The following HOXC4 variants were observed in gnomAD, a reference collection of about 807,000 sequenced individuals.
HOXC4 encodes homeobox protein Hox-C4.
A neutral mutation model predicts 25.5 loss-of-function variants in HOXC4; 15 were observed. The observed-to-expected ratio is 0.59, with a 90% CI of 0.39 to 0.91. The LOEUF is 0.91. Ranked by LOEUF, HOXC4 falls within the 40% of genes least tolerant of loss-of-function variation. The pLI is 0.00. For missense variants in HOXC4, 342 were observed against 352.4 expected, an observed-to-expected ratio of 0.97 and a Z score of 0.24; for synonymous variants, 165 against 148.0, an observed-to-expected ratio of 1.11 and a Z score of -0.83.
intron 1 of HOXC4, among the ~76,000 whole-genome samples, chr12:54,042,676 C>T (rs963495991): frequency 8.5e-5 from 13 of 152,112 alleles, no homozygotes; most frequent in African/African-American, 2.9e-4. Context: ...GGACTAGGGC[C>T]CCTGAAGCCC....
chr12:54,034,523 C>A, intron 1 of HOXC4: 1 of 1,573,936 alleles, frequency 6.4e-7, no homozygotes, highest in Non-Finnish European at 8.7e-7. Context: ...AGAGCGCGCC[C>A]CTAGCCGGTT....
chr12:54,039,366 C>T (rs1439999289), intron 1 of HOXC4, among the ~76,000 whole-genome samples: 1 of 152,058 alleles, frequency 6.6e-6, no homozygotes, highest in East Asian at 1.9e-4. Context: ...GAAGGGGGCA[C>T]AGAGGCCCAA....
intron 1 of HOXC4, chr12:54,029,853 C>G (rs747214600): frequency 1.2e-6 from 2 of 1,614,016 alleles, no homozygotes; most frequent in South Asian, 2.2e-5. Context: ...AAAAAAGAAT[C>G]TAATCTCACA....
At chr12:54,026,938 C>CG (rs1009913551) in intron 1 of HOXC4, among the ~76,000 whole-genome samples, 84 of 140,154 alleles carry the variant, frequency 6.0e-4, no homozygotes, top group Non-Finnish European at 1.1e-3. Context: ...GCCAGCTTTC[C>CG]CCCCCCCCAA....
exon 1 of HOXC4, chr12:54,017,025 G>A (rs1940185785): frequency 6.6e-6 from 1 of 151,522 alleles, no homozygotes; most frequent in African/African-American, 2.4e-5. Context: ...TTCCTCCCAG[G>A]TGGAGTTGCC....
chr12:54,030,045 CA>C, intron 1 of HOXC4: 1 of 1,283,550 alleles, frequency 7.8e-7, no homozygotes, highest in Non-Finnish European at 1.1e-6. Context: ...CTGTATTTAT[CA>C]CTGGCACAAT....
chr12:54,033,044 A>T, intron 1 of HOXC4: 1 of 1,234,164 alleles, frequency 8.1e-7, no homozygotes, highest in Admixed American at 2.1e-5. Flanking sequence ...TTGGAGAACA[A>T]AAAACCCCTC....
chr12:54,054,478 G>C, intron 1 of HOXC4, 117 bp downstream of exon 1: 23 of 660,024 alleles, frequency 3.5e-5, no homozygotes, highest in Non-Finnish European at 1.8e-5. Context: ...CTCTCTCCAG[G>C]AGCGACTCTG....
chr12:54,025,532 G>T (rs994457821), intron 1 of HOXC4, among the ~76,000 whole-genome samples: 1 of 46,944 alleles, frequency 2.1e-5, no homozygotes, highest in Non-Finnish European at 5.5e-5. Context: ...GTAATTGGGG[G>T]GGGGGGAGGT....
chr12:54,028,938 C>T (rs772945356), intron 1 of HOXC4: 14 of 1,588,332 alleles, frequency 8.8e-6, no homozygotes, highest in Admixed American at 3.5e-5. Context: ...TTTACAGCTC[C>T]GAGATATAAA....
intron 1 of HOXC4, among the ~76,000 whole-genome samples, chr12:54,035,592 C>A (rs1361456655): frequency 6.6e-6 from 1 of 152,192 alleles, no homozygotes; most frequent in African/African-American, 2.4e-5. Flanking sequence ...CTGGCTTTTC[C>A]CATGCTGTGG....
At chr12:54,040,454 C>T (rs1400121551) in intron 1 of HOXC4, among the ~76,000 whole-genome samples, 1 of 152,152 alleles carries the variant, frequency 6.6e-6, no homozygotes, top group Non-Finnish European at 1.5e-5. Flanking sequence ...GGAGTGATAC[C>T]CAGCATATTC....
intron 1 of HOXC4, chr12:54,030,926 C>A (rs1940962173): frequency 6.6e-6 from 1 of 152,342 alleles, no homozygotes; most frequent in Non-Finnish European, 1.5e-5. Context: ...AGCCCCCAGC[C>A]CTCTGCACTC....
At position 54,055,094 on chromosome 12, in the gene HOXC4, C is replaced by T. The variant is rs551263879; in HGVS notation, c.684C>T (p.Ala228=). Residue 228 remains alanine, a synonymous_variant, in exon 2 of 2, where the codon GCC becomes GCT. Transcript: ENST00000430889. ...PNTKVRSAPP[A]GAAPSTLSAA... is the part of the protein sequence containing the mutation. ...CCAAAGTCAGGTCAGCACCCCCGGC[C>T]GGCGCTGCGCCCAGCACCCTTTCGG... 6.2e-6 allele frequency: 10 copies of T among 1,613,344 alleles called. No homozygotes were observed. The African/African-American group carries it at 1.1e-4, about 17-fold the overall frequency.
intron 1 of HOXC4, among the ~76,000 whole-genome samples, chr12:54,029,406 C>T (rs1940886389): frequency 1.2e-5 from 1 of 83,408 alleles, no homozygotes; most frequent in Non-Finnish European, 2.3e-5. Flanking sequence ...TTGCCCCGCC[C>T]CCCCGCCCCC....
intron 1 of HOXC4, among the ~76,000 whole-genome samples, chr12:54,046,603 G>A (rs1040290181): frequency 8.5e-5 from 13 of 152,088 alleles, no homozygotes; most frequent in African/African-American, 2.7e-4. Context: ...ATCAAAGAAT[G>A]AACACAACGT....
At chr12:54,033,418 A>G in intron 1 of HOXC4, 1 of 1,609,392 alleles carries the variant, frequency 6.2e-7, no homozygotes, top group Non-Finnish European at 8.5e-7. Flanking sequence ...CCCGGGATGT[A>G]CAGTCAGAAG....
intron 1 of HOXC4, among the ~76,000 whole-genome samples, chr12:54,046,069 G>A (rs1214519256): frequency 6.6e-6 from 1 of 152,096 alleles, no homozygotes; most frequent in African/African-American, 2.4e-5. Flanking sequence ...CCTTTGAAAT[G>A]TGGGGGAAAA....
Position 54,034,420 on chromosome 12 carries a change from C to G in HOXC4, c.-124+17006C>G, listed in dbSNP as rs773709122. The G allele has an allele frequency of 3.1e-6, 5 of 1,614,198 alleles. No homozygotes were observed. In the Admixed American group the frequency reaches 8.3e-5, roughly 27 times the overall value. ...ACTTGTGTCTCAATGAGAGACAGAT[C>G]AAGATCTGGTTCCAGAACCGCAGGA... On this transcript the variant is annotated intron_variant, in intron 1 of 3. Coordinates refer to the HOXC4 transcript ENST00000303406.
Sources: allele counts gnomAD v4.1 joint callset (sites outside exome capture counted in the v4.1 genomes callset), GRCh38; gene constraint gnomAD v4.1.1; transcripts MANE v1.5; gene names NCBI Gene and HGNC (gene_info 2026-07-23, HGNC 2026-07-21).